The following LHFPL3 variants were observed in gnomAD, a reference collection of about 807,000 sequenced individuals.
The protein encoded by LHFPL3 is LHFPL tetraspan subfamily member 3 protein.
In LHFPL3, 5 loss-of-function variants were observed where a neutral mutation model predicts 19.3. The ratio of observed to expected loss-of-function variants is 0.26; its 90% CI spans 0.14 to 0.54. The LOEUF (loss-of-function observed/expected upper bound fraction) is 0.54. Among genes scored for constraint, LHFPL3 ranks in the 20% least tolerant of loss-of-function variants. LHFPL3 has a pLI of 0.94. For synonymous variants in LHFPL3, 133 were observed against 126.2 expected (o/e 1.05, Z -0.36); for missense variants, 249 against 307.4 (o/e 0.81, Z 1.42).
intron 2 of LHFPL3, among the ~76,000 whole-genome samples, chr7:104,754,893 T>G (rs10953448): frequency 0.21 from 31,800 of 152,040 alleles, 3,722 homozygotes; most frequent in South Asian, 0.43. Context: ...TCTTCTATTT[T>G]CCTAGTGCTA....
At chr7:104,376,635 G>C (rs951031461) in intron 1 of LHFPL3, among the ~76,000 whole-genome samples, 2 of 152,134 alleles carry the variant, frequency 1.3e-5, no homozygotes, top group Non-Finnish European at 2.9e-5. Context: ...TTCACTCTAT[G>C]AAAGCTTTTA....
At chr7:104,732,336 T>C (rs1793720672) in intron 1 of LHFPL3, among the ~76,000 whole-genome samples, 1 of 152,228 alleles carries the variant, frequency 6.6e-6, no homozygotes, top group Non-Finnish European at 1.5e-5. Flanking sequence ...AGAATTCGGC[T>C]GTGAATCCAT....
At chr7:104,429,698 G>A (rs961316148) in intron 1 of LHFPL3, among the ~76,000 whole-genome samples, 4 of 152,054 alleles carry the variant, frequency 2.6e-5, no homozygotes, top group African/African-American at 7.3e-5. Context: ...ACTCAGGCAA[G>A]CTACTCTGAT....
intron 1 of LHFPL3, among the ~76,000 whole-genome samples, chr7:104,349,735 C>T (rs1562871647): frequency 1.3e-5 from 2 of 152,280 alleles, no homozygotes; most frequent in African/African-American, 4.8e-5. Flanking sequence ...AAAAAAGTAA[C>T]ATTTATAATC....
At chr7:104,476,851 A>G (rs1256888195) in intron 1 of LHFPL3, among the ~76,000 whole-genome samples, 2 of 152,214 alleles carry the variant, frequency 1.3e-5, no homozygotes, top group East Asian at 1.9e-4. Flanking sequence ...TAAGTTAGAA[A>G]CAAGCATACT....
intron 2 of LHFPL3, among the ~76,000 whole-genome samples, chr7:104,758,696 A>C (rs765825725): frequency 2.0e-5 from 3 of 152,120 alleles, no homozygotes; most frequent in Non-Finnish European, 4.4e-5. Context: ...CCCATTCCTC[A>C]TGTGACTAGT....
At chr7:104,577,190 G>C (rs574765580) in intron 1 of LHFPL3, among the ~76,000 whole-genome samples, 1 of 152,274 alleles carries the variant, frequency 6.6e-6, no homozygotes, top group South Asian at 2.1e-4. Flanking sequence ...CTTGGTTCTT[G>C]CCTTCAGGAG....
rs1202424985 is a variant in LHFPL3, at chr7:104,751,081, C to G, written c.682+14170C>G. Reference sequence around the variant, plus strand: ...AATGTTCTAACTTGTCCTCCTAAAACAACTTCTGTTATTGCTTGAGCCATA... The same window carrying G: ...AATGTTCTAACTTGTCCTCCTAAAAGAACTTCTGTTATTGCTTGAGCCATA... On this transcript the variant is annotated intron_variant, in intron 2 of 2. Coordinates refer to ENST00000424859, the MANE Select transcript of LHFPL3 (RefSeq NM_199000.3). Among the ~76,000 whole-genome samples the G allele has an allele frequency of 2.2e-5, 3 of 135,468 alleles. No homozygotes were observed. In the East Asian group the frequency reaches 7.1e-4, roughly 32 times the overall value. 88.9% of individuals were successfully genotyped at this position (135,468 alleles called of 152,430 possible).
At chr7:104,600,494 T>G (rs1190284614) in intron 1 of LHFPL3, among the ~76,000 whole-genome samples, 1 of 152,238 alleles carries the variant, frequency 6.6e-6, no homozygotes, top group Admixed American at 6.5e-5. Context: ...GGGCCATTAT[T>G]TTGAAGTTGA....
chr7:104,801,156 C>T (rs868060360), intron 2 of LHFPL3, among the ~76,000 whole-genome samples: 4 of 152,208 alleles, frequency 2.6e-5, no homozygotes, highest in Non-Finnish European at 5.9e-5. Context: ...GACACAGAAA[C>T]TGAAGAATGC....
chr7:104,730,647 C>T (rs920216913), intron 1 of LHFPL3, among the ~76,000 whole-genome samples: 3 of 152,088 alleles, frequency 2.0e-5, no homozygotes, highest in Admixed American at 6.5e-5. Flanking sequence ...GGATATTAGC[C>T]CTTTGTCAGA....
At chr7:104,582,525 A>T (rs1403559883) in intron 1 of LHFPL3, among the ~76,000 whole-genome samples, 1 of 152,070 alleles carries the variant, frequency 6.6e-6, no homozygotes, top group Non-Finnish European at 1.5e-5. Context: ...ATAAGGGTAG[A>T]CATTCTTTGT....
At chr7:104,810,475 T>C (rs532013935) in intron 2 of LHFPL3, among the ~76,000 whole-genome samples, 75 of 151,964 alleles carry the variant, frequency 4.9e-4, no homozygotes, top group African/African-American at 1.7e-3. Context: ...TCACAAGAAC[T>C]GAGGAGAGAG....
chr7:104,712,278 TCA>T lies in LHFPL3; in HGVS notation c.446-24394_446-24393del. ...GGCTTAGATGATGGAAATTTATTTC[TCA>T]CAGTCCTAGTGGCTGGGAAGTCCAA... On this transcript the variant is annotated intron_variant, in intron 1 of 2. Coordinates refer to ENST00000424859, the MANE Select transcript of LHFPL3 (RefSeq NM_199000.3). 1.3e-5 allele frequency among the ~76,000 whole-genome samples: 2 copies of T among 152,210 alleles called. 1 individual carries two copies. Among genetic ancestry groups the T allele is most frequent in the South Asian group, 4.1e-4 (2 of 4,820 alleles).
intron 1 of LHFPL3, among the ~76,000 whole-genome samples, chr7:104,333,319 C>T (rs1801605266): frequency 6.6e-6 from 1 of 152,152 alleles, no homozygotes; most frequent in Admixed American, 6.5e-5. Context: ...GTTTTGTAGA[C>T]ATCGGTCATG....
intron 2 of LHFPL3, among the ~76,000 whole-genome samples, chr7:104,880,107 T>A (rs769372350): frequency 1.3e-5 from 2 of 152,054 alleles, no homozygotes; most frequent in Non-Finnish European, 2.9e-5. Flanking sequence ...CCCCTCTAAA[T>A]CTCATGTTGA....
intron 1 of LHFPL3, among the ~76,000 whole-genome samples, chr7:104,664,139 T>C (rs1215700066): frequency 1.3e-5 from 2 of 152,142 alleles, no homozygotes; most frequent in Non-Finnish European, 2.9e-5. Context: ...AGAAATAATT[T>C]CCATCAACAT....
intron 2 of LHFPL3, among the ~76,000 whole-genome samples, chr7:104,806,229 TA>T (rs1454906225): frequency 3.9e-5 from 6 of 152,280 alleles, no homozygotes. Context: ...CCACAAAGCA[TA>T]ATGCTTTCAT....
At chr7:104,451,736 TTTTC>T (rs1039169934) in intron 1 of LHFPL3, among the ~76,000 whole-genome samples, 1 of 152,120 alleles carries the variant, frequency 6.6e-6, no homozygotes, top group Non-Finnish European at 1.5e-5. Context: ...ATTTTCTTTT[TTTTC>T]TTTCTTTCTT....
Sources: allele counts gnomAD v4.1 joint callset (sites outside exome capture counted in the v4.1 genomes callset), GRCh38; gene constraint gnomAD v4.1.1; transcripts MANE v1.5; gene names NCBI Gene and HGNC (gene_info 2026-07-23, HGNC 2026-07-21).